The following VPS13A variants were observed in gnomAD, a reference collection of about 807,000 sequenced individuals.
The protein encoded by VPS13A is intermembrane lipid transfer protein VPS13A.
Under a neutral mutation model 390.9 loss-of-function variants are expected in VPS13A, and 264 were observed. That is an observed-to-expected ratio of 0.68 (90% CI 0.61 to 0.75). The LOEUF is 0.75. Among genes scored for constraint, VPS13A ranks in the 30% least tolerant of loss-of-function variants. The pLI is 0.00. For missense variants in VPS13A, 3,409 were observed against 3,733.9 expected (o/e 0.91, Z 2.27); for synonymous variants, 1,231 against 1,227.1 (o/e 1.00, Z -0.07).
At chr9:77,193,799 A>G (rs1824828184) in intron 1 of VPS13A, among the ~76,000 whole-genome samples, 1 of 152,048 alleles carries the variant, frequency 6.6e-6, no homozygotes, top group Non-Finnish European at 1.5e-5. Flanking sequence ...TATCCTTTGA[A>G]TGAGGCTTTT....
At position 77,367,903 on chromosome 9, in the gene VPS13A, T is replaced by C. The variant is rs118113685; in HGVS notation, c.8472-152T>C. 0.01 allele frequency: 7,096 copies of C among 693,728 alleles called. 62 individuals are homozygous for C. The highest frequency in any genetic ancestry group is 0.014 in the South Asian group (816 of 57,354). 43.0% of individuals were successfully genotyped at this position (693,728 alleles called of 1,614,324 possible). A position where few individuals can be genotyped will look rare whatever the true frequency, so the allele number is the denominator to read the frequency against. On this transcript the variant is annotated intron_variant, in intron 61 of 71. Coordinates refer to ENST00000360280, the MANE Select transcript of VPS13A (RefSeq NM_033305.3). ...TTTGATTAGGATATGCAGAGATGTA[T>C]GTAAAAAGTAAATTTCCTGATTGGC... is the stretch of plus-strand genomic sequence containing the variant.
intron 46 of VPS13A, among the ~76,000 whole-genome samples, chr9:77,334,814 T>G (rs182323086): frequency 3.2e-4 from 49 of 152,296 alleles, no homozygotes; most frequent in African/African-American, 1.1e-3. Flanking sequence ...GAAAATAGAA[T>G]GAAAATTATA....
intron 6 of VPS13A, among the ~76,000 whole-genome samples, 168 bp downstream of exon 6, chr9:77,209,700 T>C (rs1037149374): frequency 6.6e-6 from 1 of 152,188 alleles, no homozygotes; most frequent in Non-Finnish European, 1.5e-5. Context: ...TTGCAGTCCT[T>C]AGTGTTGAGT....
chr9:77,412,965 A>C lies in VPS13A; in HGVS notation c.9475-2991A>C, dbSNP rs1190272214. ...TCTTATACACCAATAACAGACAGAG[A>C]GCCAAATCATGAGTGAACTCCCATT... On this transcript the variant is annotated intron_variant, in intron 71 of 71. Transcript: ENST00000360280. 4.6e-5 allele frequency among the ~76,000 whole-genome samples: 7 copies of C among 152,214 alleles called. No individual in the cohort carries two copies. The East Asian group carries it at 1.2e-3, about 25-fold the overall frequency.
intron 68 of VPS13A, chr9:77,382,299 A>G: frequency 6.5e-7 from 1 of 1,537,474 alleles, no homozygotes; most frequent in South Asian, 1.3e-5. Context: ...GTTTGATATG[A>G]AAAGTTAATG....
chr9:77,306,502 C>T (rs577366871), intron 34 of VPS13A, among the ~76,000 whole-genome samples: 5 of 150,574 alleles, frequency 3.3e-5, no homozygotes, highest in African/African-American at 9.8e-5. Context: ...TACATGATTG[C>T]GGATGCCACC....
intron 1 of VPS13A, among the ~76,000 whole-genome samples, chr9:77,193,854 A>G (rs189811942): frequency 5.9e-5 from 9 of 152,178 alleles, no homozygotes; most frequent in African/African-American, 2.2e-4. Context: ...CCTTGATATA[A>G]GTTGAGTTTA....
intron 39 of VPS13A, 21 bp downstream of exon 39, chr9:77,316,427 T>TG: frequency 1.3e-6 from 2 of 1,595,884 alleles, no homozygotes; most frequent in Non-Finnish European, 1.7e-6. Flanking sequence ...TATTTGATCA[T>TG]CTGCTTAATT....
chr9:77,277,111 G>A (rs1826730051), intron 26 of VPS13A, among the ~76,000 whole-genome samples: 1 of 152,078 alleles, frequency 6.6e-6, no homozygotes, highest in South Asian at 2.1e-4. Flanking sequence ...TAGGAGGGTT[G>A]TATTTATATT....
intron 32 of VPS13A, 50 bp downstream of exon 32, chr9:77,293,558 T>C (rs1319953306): frequency 1.8e-6 from 2 of 1,131,830 alleles, no homozygotes; most frequent in Non-Finnish European, 2.4e-6. Context: ...TGGAAATTGC[T>C]ATATGTCAAA....
At chr9:77,360,046 C>T (rs1456512950) in intron 58 of VPS13A, among the ~76,000 whole-genome samples, 1 of 152,062 alleles carries the variant, frequency 6.6e-6, no homozygotes, top group Non-Finnish European at 1.5e-5. Context: ...TAATAATCTC[C>T]TGTCTAATTT....
intron 46 of VPS13A, among the ~76,000 whole-genome samples, chr9:77,336,823 T>C (rs1287183162): frequency 6.8e-6 from 1 of 147,144 alleles, no homozygotes; most frequent in African/African-American, 2.5e-5. Context: ...TTTTTTTTTT[T>C]TGAGGCTCTG....
At chr9:77,405,772 A>G in intron 69 of VPS13A, 92 bp from the exon 70 acceptor site, 1 of 1,510,810 alleles carries the variant, frequency 6.6e-7, no homozygotes, top group Non-Finnish European at 9.1e-7. Context: ...TGAATATTGC[A>G]TTTGCACTTG....
At chr9:77,224,651 G>T (rs12001903) in intron 13 of VPS13A, among the ~76,000 whole-genome samples, 98 of 152,320 alleles carry the variant, frequency 6.4e-4, no homozygotes, top group African/African-American at 2.2e-3. Flanking sequence ...TCTTATAGAA[G>T]AGCAAAGAAA....
chr9:77,381,868 G>T, intron 67 of VPS13A, 108 bp from the exon 68 acceptor site: 1 of 727,062 alleles, frequency 1.4e-6, no homozygotes. Context: ...AGAGAATGTT[G>T]TAATATTTTT....
intron 34 of VPS13A, among the ~76,000 whole-genome samples, chr9:77,305,039 C>T (rs113626431): frequency 0.071 from 10,790 of 151,504 alleles, 479 homozygotes; most frequent in East Asian, 0.12. Flanking sequence ...CTGGGGTTCA[C>T]GCCATTCTCC....
At chr9:77,278,419 A>G (rs2131338310) in intron 26 of VPS13A, among the ~76,000 whole-genome samples, 1 of 152,172 alleles carries the variant, frequency 6.6e-6, no homozygotes, top group African/African-American at 2.4e-5. Context: ...TTTGCCAAGA[A>G]CAAAGGATTA....
In VPS13A at chr9:77,260,157, A is replaced by G. The variant is rs1272665040; in HGVS notation, c.2360A>G (p.Glu787Gly). 1 of 1,608,422 alleles carries G rather than the reference A, an allele frequency of 6.2e-7. No individual in the cohort carries two copies. Among genetic ancestry groups the G allele is most frequent in the South Asian group, 1.1e-5 (1 of 90,788 alleles). The change falls in exon 23 of 72, where the codon GAA becomes GGA. Residue 787 changes from glutamate (E) to glycine (G), a missense_variant. By Grantham distance (98) the Glu-to-Gly change is moderately conservative (BLOSUM62 -2). Transcript: ENST00000360280. ...GATAAAAAACTACAAGGGATTATGGAATTGATTGAAAGCATTCCAAAACCT... is the reference window on the plus strand; with the variant it reads ...GATAAAAAACTACAAGGGATTATGGGATTGATTGAAAGCATTCCAAAACCT... The part of the protein sequence containing the change: ...ISDKKLQGIM[E>G]LIESIPKPEP...
intron 24 of VPS13A, among the ~76,000 whole-genome samples, chr9:77,275,208 A>G (rs944937526): frequency 6.6e-6 from 1 of 152,146 alleles, no homozygotes; most frequent in Non-Finnish European, 1.5e-5. Flanking sequence ...ATTTTAAAAT[A>G]GACTATTTCA....
Sources: allele counts gnomAD v4.1 joint callset (sites outside exome capture counted in the v4.1 genomes callset), GRCh38; gene constraint gnomAD v4.1.1; transcripts MANE v1.5; gene names NCBI Gene and HGNC (gene_info 2026-07-23, HGNC 2026-07-21).